The following LRFN5 variants were observed in gnomAD, a reference collection of about 807,000 sequenced individuals.
LRFN5 encodes leucine rich repeat and fibronectin type III domain containing 5.
In LRFN5, 24 loss-of-function variants were observed where a neutral mutation model predicts 45.6. The ratio of observed to expected loss-of-function variants is 0.53; its 90% CI spans 0.38 to 0.74. The LOEUF is 0.74. LRFN5 is among the 30% of genes least tolerant of loss of function. The pLI is 0.00. For missense variants in LRFN5, 776 were observed against 861.5 expected, an observed-to-expected ratio of 0.90 and a Z score of 1.24; for synonymous variants, 340 against 313.8, an observed-to-expected ratio of 1.08 and a Z score of -0.88.
intron 1 of LRFN5, among the ~76,000 whole-genome samples, chr14:41,668,476 G>A (rs1486862358): frequency 2.0e-5 from 3 of 151,102 alleles, no homozygotes; most frequent in African/African-American, 4.9e-5. Flanking sequence ...CACTCATGTT[G>A]TATCACCCCT....
chr14:41,871,587 TA>T (rs34452763), intron 2 of LRFN5, among the ~76,000 whole-genome samples: 88,351 of 148,534 alleles, frequency 0.59, 27,192 homozygotes, highest in Middle Eastern at 0.77. Context: ...AAAAATCTGT[TA>T]AAAAAAAAAA....
intron 1 of LRFN5, among the ~76,000 whole-genome samples, chr14:41,634,100 A>G (rs1336801590): frequency 6.6e-6 from 1 of 152,156 alleles, no homozygotes; most frequent in Non-Finnish European, 1.5e-5. Context: ...TCAGTGTCAC[A>G]GGATTCTTCA....
chr14:41,703,588 A>T (rs1594629968), intron 1 of LRFN5, among the ~76,000 whole-genome samples: 2 of 151,848 alleles, frequency 1.3e-5, no homozygotes, highest in Admixed American at 6.6e-5. Context: ...TGTTTTCTTT[A>T]AAAAGGCTGC....
At chr14:41,775,834 G>A (rs1886270548) in intron 2 of LRFN5, among the ~76,000 whole-genome samples, 1 of 152,204 alleles carries the variant, frequency 6.6e-6, no homozygotes, top group South Asian at 2.1e-4. Flanking sequence ...TATCAAGGTT[G>A]TATTATGAAG....
At chr14:41,899,533 G>T (rs78025708) in intron 5 of LRFN5, among the ~76,000 whole-genome samples, 1,849 of 152,208 alleles carry the variant, frequency 0.012, 12 homozygotes, top group Non-Finnish European at 0.017. Context: ...TGTTTGAAAT[G>T]AGTATTTGAT....
intron 1 of LRFN5, among the ~76,000 whole-genome samples, chr14:41,689,889 C>T (rs1157669239): frequency 1.0e-5 from 1 of 97,928 alleles, no homozygotes; most frequent in Non-Finnish European, 1.8e-5. Flanking sequence ...AGCGAGACTC[C>T]GTCTCAAAAA....
At chr14:41,852,018 ATCC>A (rs1161949969) in intron 2 of LRFN5, among the ~76,000 whole-genome samples, 1 of 151,838 alleles carries the variant, frequency 6.6e-6, no homozygotes, top group African/African-American at 2.4e-5. Context: ...AACCCACAAC[ATCC>A]TTTTTTGTCC....
chr14:41,843,463 T>A (rs1888937734), intron 2 of LRFN5, among the ~76,000 whole-genome samples: 1 of 152,188 alleles, frequency 6.6e-6, no homozygotes, highest in South Asian at 2.1e-4. Context: ...TAATGGTTAC[T>A]GACTTTTTGT....
At chr14:41,611,457 C>G (rs1309751107) in intron 1 of LRFN5, among the ~76,000 whole-genome samples, 3 of 152,172 alleles carry the variant, frequency 2.0e-5, no homozygotes, top group South Asian at 4.1e-4. Context: ...TGAGTTAACA[C>G]TTCAGGTATT....
At chr14:41,794,450 T>C (rs1359698544) in intron 2 of LRFN5, among the ~76,000 whole-genome samples, 1 of 152,110 alleles carries the variant, frequency 6.6e-6, no homozygotes, top group Non-Finnish European at 1.5e-5. Context: ...TAATTTACAC[T>C]TGTATTTGTA....
chr14:41,637,163 G>A (rs1188056239), intron 1 of LRFN5, among the ~76,000 whole-genome samples: 1 of 152,072 alleles, frequency 6.6e-6, no homozygotes, highest in Non-Finnish European at 1.5e-5. Context: ...AAGAAAGAGG[G>A]GAGAATTGGG....
At chr14:41,734,164 T>C (rs1356147380) in intron 1 of LRFN5, among the ~76,000 whole-genome samples, 3 of 145,318 alleles carry the variant, frequency 2.1e-5, no homozygotes, top group African/African-American at 7.4e-5. Context: ...TAGCCGGGAT[T>C]ACAGGTGCGC....
At chr14:41,851,827 A>G (rs1017020947) in intron 2 of LRFN5, among the ~76,000 whole-genome samples, 8 of 151,832 alleles carry the variant, frequency 5.3e-5, no homozygotes, top group Non-Finnish European at 1.2e-4. Flanking sequence ...TTTGCTCATA[A>G]TTAATAAACC....
chr14:41,736,761 T>C (rs1363811232), intron 1 of LRFN5, among the ~76,000 whole-genome samples: 1 of 152,130 alleles, frequency 6.6e-6, no homozygotes, highest in Admixed American at 6.6e-5. Context: ...AGGAAATGGA[T>C]AAATTCCTGG....
intron 1 of LRFN5, among the ~76,000 whole-genome samples, chr14:41,739,195 G>A (rs1299089568): frequency 1.3e-5 from 2 of 152,102 alleles, no homozygotes; most frequent in South Asian, 2.1e-4. Context: ...AGGCAAGCCT[G>A]GGCAACATGG....
At chr14:41,859,819 C>G (rs1240994862) in intron 2 of LRFN5, among the ~76,000 whole-genome samples, 1 of 152,130 alleles carries the variant, frequency 6.6e-6, no homozygotes, top group Non-Finnish European at 1.5e-5. Flanking sequence ...TACCTTAATA[C>G]TCTCTCATAG....
chr14:41,759,498 C>G (rs547975494), intron 1 of LRFN5, among the ~76,000 whole-genome samples: 847 of 22,328 alleles, frequency 0.038, 5 homozygotes, highest in Non-Finnish European at 0.056. Context: ...CACACACACA[C>G]AGAGAGAGCA....
chr14:41,893,138 AT>A lies in LRFN5; in HGVS notation c.2098+1180del, dbSNP rs372850171. The A allele has an allele frequency of 5.4e-4, 527 of 984,330 alleles. 3 individuals are homozygous for A. In the African/African-American group the frequency reaches 8.1e-3, roughly 15 times the overall value. 61.0% of individuals were successfully genotyped at this position (984,330 alleles called of 1,614,324 possible). On this transcript the variant is annotated intron_variant, in intron 4 of 5. Transcript: ENST00000298119. ...TCCTTTTAAAGTAAATGCATTTGCTATTTTAACCAAAAACTGTGATAAATCT... is the reference window on the plus strand; with the variant it reads ...TCCTTTTAAAGTAAATGCATTTGCTATTTAACCAAAAACTGTGATAAATCT...
chr14:41,852,131 C>T (rs1387476446), intron 2 of LRFN5, among the ~76,000 whole-genome samples: 1 of 151,758 alleles, frequency 6.6e-6, no homozygotes, highest in Non-Finnish European at 1.5e-5. Flanking sequence ...AATTAATTTA[C>T]CATTTTCAGT....
Sources: gnomAD v4.1 joint callset for allele counts (sites outside exome capture counted in the v4.1 genomes callset) on GRCh38, gnomAD v4.1.1 for gene constraint, MANE v1.5 for transcripts, NCBI Gene and HGNC (gene_info 2026-07-23, HGNC 2026-07-21) for gene names.